Variants in EIF3A observed in about 807,000 individuals in gnomAD.
EIF3A encodes the protein EIF3, p180 subunit.
EIF3A carries 21 observed loss-of-function variants against 186.6 expected under a neutral mutation model. The ratio of observed to expected loss-of-function variants is 0.11; its 90% CI spans 0.08 to 0.16. The LOEUF (loss-of-function observed/expected upper bound fraction) is 0.16, where lower values mean the gene tolerates loss of function less well. Ranked by LOEUF, EIF3A falls within the 10% of genes least tolerant of loss-of-function variation. EIF3A has a pLI of 1.00. For synonymous variants in EIF3A, 563 were observed against 584.3 expected (o/e 0.96, Z 0.52); for missense variants, 1,306 against 1,796.3 (o/e 0.73, Z 4.93).
intron 14 of EIF3A, 34 bp from the exon 15 acceptor site, chr10:119,051,355 CTTT>C (rs199678201): frequency 1.5e-4 from 198 of 1,361,294 alleles, no homozygotes; most frequent in Admixed American, 2.2e-4. Flanking sequence ...TTTCAATGCA[CTTT>C]TTTTTTTACT....
intron 1 of EIF3A, 189 bp downstream of exon 1, chr10:119,080,439 C>T: frequency 1.0e-6 from 1 of 985,426 alleles, no homozygotes; most frequent in South Asian, 4.7e-5. Flanking sequence ...TACGCGCCTC[C>T]CAGACCCCAG....
intron 14 of EIF3A, among the ~76,000 whole-genome samples, chr10:119,055,111 G>A (rs1187743647): frequency 2.6e-5 from 4 of 152,112 alleles, no homozygotes; most frequent in East Asian, 3.9e-4. Flanking sequence ...GGGAGGCTGC[G>A]GCCAGAGAAT....
chr10:119,037,215 G>A lies in EIF3A; in HGVS notation c.3823C>T (p.Arg1275Cys), dbSNP rs757474711. 3.7e-6 allele frequency: 6 copies of A among 1,613,958 alleles called. No homozygotes were observed. The highest frequency in any genetic ancestry group is 4.2e-6 in the Non-Finnish European group (5 of 1,180,008). Residue 1275 changes from arginine to cysteine, a missense_variant, in exon 21 of 22, where the codon CGT (arginine) becomes TGT (cysteine). Transcript: ENST00000369144. ...AGATCACGCCGGTCATCCCTCTCAC[G>A]GCGACGGTCATCCCTATCCCTATCG... is the stretch of plus-strand genomic sequence containing the variant. ...RDDRDRDDRR[R>C]ERDDRRDLRE... is the part of the protein sequence containing the mutation.
At chr10:119,055,683 G>A (rs1416679656) in intron 14 of EIF3A, among the ~76,000 whole-genome samples, 1 of 152,116 alleles carries the variant, frequency 6.6e-6, no homozygotes, top group Admixed American at 6.5e-5. Flanking sequence ...ACCTGCCTGG[G>A]TAACACAAAA....
intron 1 of EIF3A, among the ~76,000 whole-genome samples, chr10:119,077,996 C>T (rs1844204310): frequency 6.6e-6 from 1 of 152,092 alleles, no homozygotes; most frequent in African/African-American, 2.4e-5. Context: ...GAATTATAAA[C>T]CTTACTGGAT....
At chr10:119,069,060 T>G (rs1045720724) in intron 6 of EIF3A, among the ~76,000 whole-genome samples, 25 of 152,204 alleles carry the variant, frequency 1.6e-4, no homozygotes, top group African/African-American at 6.0e-4. Flanking sequence ...TCTATGTGGA[T>G]AGAAAGCTCA....
chr10:119,069,967 T>C lies in EIF3A; in HGVS notation c.742-313A>G, dbSNP rs555044546. Among the ~76,000 whole-genome samples, 11 of 152,304 alleles carry C rather than the reference T, an allele frequency of 7.2e-5. No individual in the cohort carries two copies. In the South Asian group the frequency reaches 2.1e-3, roughly 29 times the overall value. On this transcript the variant is annotated intron_variant, in intron 5 of 21. Transcript: ENST00000369144. ...ATCTAGAAGGATATACAACAGGTTA[T>C]TTCTGAGTGATAAGATAATGGATGA...
rs540255249 is a variant in EIF3A at position 119,050,155 on chromosome 10, C to A, written c.2474-170G>T. Among the ~76,000 whole-genome samples, 11 of 152,212 alleles carry A rather than the reference C, an allele frequency of 7.2e-5. No individual in the cohort carries two copies. In the East Asian group the frequency reaches 7.7e-4, roughly 11 times the overall value. On this transcript the variant is annotated intron_variant, in intron 16 of 21. Coordinates refer to ENST00000369144, the MANE Select transcript of EIF3A (RefSeq NM_003750.4). ...CATAGTCAAGAAAATAAGTACTACACCCCTCAACTATAGTTTTGTAATAAG... is the reference window on the plus strand; with the variant it reads ...CATAGTCAAGAAAATAAGTACTACAACCCTCAACTATAGTTTTGTAATAAG...
intron 6 of EIF3A, among the ~76,000 whole-genome samples, chr10:119,066,581 G>A (rs398821): frequency 1.7e-5 from 2 of 119,574 alleles, no homozygotes; most frequent in Non-Finnish European, 3.4e-5. Flanking sequence ...AAAATTTTAA[G>A]AATCAGAAGT....
Position 119,061,865 on chromosome 10 carries a change from G to A in EIF3A, c.1123-537C>T, listed in dbSNP as rs866029574. On this transcript the variant is annotated intron_variant, in intron 7 of 21. Coordinates refer to ENST00000369144, the MANE Select transcript of EIF3A (RefSeq NM_003750.4). Reference sequence around the variant, plus strand: ...TTTCACATATTACCCCATTTATATGGACTTCAATTTTACCATGGAATATGT... The same window carrying A: ...TTTCACATATTACCCCATTTATATGAACTTCAATTTTACCATGGAATATGT... Among the ~76,000 whole-genome samples, 108 of 152,110 alleles carry A rather than the reference G, an allele frequency of 7.1e-4. 1 individual carries two copies. The highest frequency in any genetic ancestry group is 2.6e-3 in the African/African-American group (107 of 41,406).
intron 9 of EIF3A, chr10:119,060,002 T>G: frequency 1.9e-6 from 1 of 518,350 alleles, no homozygotes; most frequent in Non-Finnish European, 3.6e-6. Context: ...TAAACACTTC[T>G]TATAGAATTT....
chr10:119,070,824 G>A, intron 5 of EIF3A, 62 bp downstream of exon 5: 2 of 1,180,978 alleles, frequency 1.7e-6, no homozygotes, highest in Non-Finnish European at 2.5e-6. Flanking sequence ...TATTCATTAA[G>A]GGGGGAGAAA....
chr10:119,079,948 A>G (rs1026838681), intron 1 of EIF3A, among the ~76,000 whole-genome samples: 4 of 152,228 alleles, frequency 2.6e-5, no homozygotes, highest in Admixed American at 2.6e-4. Context: ...GATTCGAAAC[A>G]GGCTTTAGGA....
Position 119,056,919 on chromosome 10 carries a change from C to A in EIF3A, c.2082+17G>T. 6.3e-7 allele frequency: 1 copy of A among 1,585,462 alleles called. No individual in the cohort carries two copies. ...CTTAACTTGGTATGTTAAAGGTTTACCAACCCTTTCATTTACCTTCTTTTC... is the reference window on the plus strand; with the variant it reads ...CTTAACTTGGTATGTTAAAGGTTTAACAACCCTTTCATTTACCTTCTTTTC... On this transcript the variant is annotated intron_variant, in intron 13 of 21. Coordinates refer to ENST00000369144, the MANE Select transcript of EIF3A (RefSeq NM_003750.4).
At chr10:119,061,048 T>G in intron 8 of EIF3A, 176 bp downstream of exon 8, 2 of 580,594 alleles carry the variant, frequency 3.4e-6, no homozygotes, top group Non-Finnish European at 6.0e-6. Context: ...CTCCAAAGGT[T>G]TGCTGAGCAC....
chr10:119,073,932 G>A lies in EIF3A; in HGVS notation c.55C>T (p.Leu19Phe). 6.3e-7 allele frequency: 1 copy of A among 1,587,804 alleles called. No individual in the cohort carries two copies. The highest frequency in any genetic ancestry group is 1.4e-5 in the African/African-American group (1 of 73,522). ...ENALKRANEF[L>F]EVGKKQPALD... is the part of the protein sequence containing the mutation. ...GCAGGCTGCTTTTTGCCAACCTCAA[G>A]AAATTCTGAAAAATTCAGAAGAATT... The change falls in exon 2 of 22, where the codon CTT (leucine) becomes TTT (phenylalanine). Residue 19 changes from leucine to phenylalanine, a missense_variant. By Grantham distance (22) the Leu-to-Phe change is conservative (BLOSUM62 0). This residue lies in a region of EIF3A where 130 missense variants were observed against 259.3 expected (regional missense o/e 0.50). Coordinates refer to ENST00000369144, the MANE Select transcript of EIF3A (RefSeq NM_003750.4).
intron 20 of EIF3A, among the ~76,000 whole-genome samples, chr10:119,037,990 C>G (rs1010477990): frequency 7.1e-6 from 1 of 140,760 alleles, no homozygotes; most frequent in African/African-American, 2.6e-5. Context: ...TATCTCGGCT[C>G]ACCACAACCT....
chr10:119,066,400 T>G (rs1589693769), intron 6 of EIF3A, among the ~76,000 whole-genome samples: 1 of 145,878 alleles, frequency 6.9e-6, no homozygotes, highest in Non-Finnish European at 1.5e-5. Flanking sequence ...TCCCAGCTAC[T>G]CAGGAAGCTG....
At chr10:119,058,600 T>C (rs1160309307) in intron 11 of EIF3A, among the ~76,000 whole-genome samples, 1 of 152,208 alleles carries the variant, frequency 6.6e-6, no homozygotes, top group African/African-American at 2.4e-5. Context: ...AGAAATAACT[T>C]GTTACAGGCA....
Sources: allele counts gnomAD v4.1 joint callset (sites outside exome capture counted in the v4.1 genomes callset), GRCh38; gene constraint gnomAD v4.1.1; regional missense constraint gnomAD v4.1.1; transcripts MANE v1.5; gene names NCBI Gene and HGNC (gene_info 2026-07-23, HGNC 2026-07-21).